The following CEP112 variants were observed in gnomAD, a reference collection of about 807,000 sequenced individuals.
The protein encoded by CEP112 is centrosomal protein of 112 kDa.
In CEP112, 127 loss-of-function variants were observed where a neutral mutation model predicts 153.0. The ratio of observed to expected loss-of-function variants is 0.83; its 90% CI spans 0.72 to 0.96. CEP112 has a LOEUF of 0.96. CEP112 is among the 40% of genes least tolerant of loss of function. The pLI is 0.00. For missense variants in CEP112, 1,089 were observed against 1,101.2 expected (o/e 0.99, Z 0.16); for synonymous variants, 358 against 374.4 (o/e 0.96, Z 0.51).
intron 22 of CEP112, among the ~76,000 whole-genome samples, chr17:65,745,235 A>G (rs1273909683): frequency 6.6e-6 from 1 of 152,252 alleles, no homozygotes; most frequent in Non-Finnish European, 1.5e-5. Flanking sequence ...GACAAAATAT[A>G]TAATAACAAC....
At chr17:65,824,907 T>C (rs1413117820) in intron 21 of CEP112, among the ~76,000 whole-genome samples, 2 of 152,206 alleles carry the variant, frequency 1.3e-5, no homozygotes, top group Admixed American at 6.5e-5. Context: ...GCAGATGCTA[T>C]GGAAAATATA....
At chr17:65,905,401 A>G (rs1236154396) in intron 19 of CEP112, among the ~76,000 whole-genome samples, 1 of 152,254 alleles carries the variant, frequency 6.6e-6, no homozygotes, top group African/African-American at 2.4e-5. Flanking sequence ...CCACAATGAG[A>G]TAACATCTCA....
intron 12 of CEP112, among the ~76,000 whole-genome samples, chr17:66,030,901 C>G (rs1182971126): frequency 6.6e-6 from 1 of 152,138 alleles, no homozygotes; most frequent in Non-Finnish European, 1.5e-5. Flanking sequence ...TTTAAAGATG[C>G]AGTTTAAGCA....
At chr17:66,054,776 A>G (rs1182699992) in intron 11 of CEP112, among the ~76,000 whole-genome samples, 1 of 152,112 alleles carries the variant, frequency 6.6e-6, no homozygotes. Flanking sequence ...TTTTGTTTTG[A>G]GATGGAGTCT....
intron 19 of CEP112, among the ~76,000 whole-genome samples, chr17:65,916,705 C>A (rs960359402): frequency 6.8e-6 from 1 of 146,886 alleles, no homozygotes; most frequent in Non-Finnish European, 1.5e-5. Flanking sequence ...AGCCACCATG[C>A]CAGTCTAATT....
intron 21 of CEP112, among the ~76,000 whole-genome samples, chr17:65,784,214 T>C (rs2054151138): frequency 6.6e-6 from 1 of 152,154 alleles, no homozygotes; most frequent in African/African-American, 2.4e-5. Context: ...AGGCGAGTAA[T>C]GTTAGGTCTA....
At chr17:65,677,026 C>T (rs1208260670) in intron 24 of CEP112, among the ~76,000 whole-genome samples, 1 of 152,136 alleles carries the variant, frequency 6.6e-6, no homozygotes, top group African/African-American at 2.4e-5. Flanking sequence ...ATGGCTGCTA[C>T]CTAACTGAGC....
At chr17:66,041,849 T>C (rs2065995504) in intron 12 of CEP112, among the ~76,000 whole-genome samples, 1 of 151,934 alleles carries the variant, frequency 6.6e-6, no homozygotes, top group South Asian at 2.1e-4. Flanking sequence ...TGCAGAAAAA[T>C]TCCAAAAATT....
intron 5 of CEP112, among the ~76,000 whole-genome samples, chr17:66,130,161 T>C (rs1598407713): frequency 1.3e-5 from 2 of 152,098 alleles, no homozygotes; most frequent in Middle Eastern, 3.4e-3. Context: ...GGTTCTCAGT[T>C]CTAAGTAATG....
intron 17 of CEP112, among the ~76,000 whole-genome samples, chr17:65,991,685 G>A (rs902879990): frequency 1.3e-5 from 2 of 151,968 alleles, no homozygotes; most frequent in Non-Finnish European, 2.9e-5. Flanking sequence ...AGAAATCTTT[G>A]TGTTTACTAT....
chr17:65,949,576 C>A (rs1651163963), intron 18 of CEP112, among the ~76,000 whole-genome samples: 1 of 152,112 alleles, frequency 6.6e-6, no homozygotes, highest in Non-Finnish European at 1.5e-5. Context: ...TTTAACCAGT[C>A]CACAGCAATG....
At chr17:66,110,690 C>T (rs1205599192) in intron 6 of CEP112, among the ~76,000 whole-genome samples, 3 of 147,574 alleles carry the variant, frequency 2.0e-5, no homozygotes, top group Non-Finnish European at 4.5e-5. Context: ...AAAAAAAAAG[C>T]ATAAATACAA....
intron 24 of CEP112, among the ~76,000 whole-genome samples, chr17:65,674,463 T>C (rs1207398863): frequency 6.6e-6 from 1 of 152,208 alleles, no homozygotes; most frequent in East Asian, 1.9e-4. Context: ...GCTGAGAAGC[T>C]GAACAAATCT....
chr17:65,934,554 T>G (rs1313790253), intron 18 of CEP112, among the ~76,000 whole-genome samples: 2 of 152,200 alleles, frequency 1.3e-5, no homozygotes, highest in Non-Finnish European at 2.9e-5. Context: ...ATAATTACTT[T>G]GAATATAAAT....
chr17:65,971,107 C>T (rs1213195879), intron 17 of CEP112, among the ~76,000 whole-genome samples: 2 of 152,276 alleles, frequency 1.3e-5, no homozygotes, highest in South Asian at 4.1e-4. Context: ...TGGTACATTG[C>T]ATGTTCCTTG....
chr17:66,013,951 C>T (rs2064653973), intron 16 of CEP112, among the ~76,000 whole-genome samples: 1 of 152,154 alleles, frequency 6.6e-6, no homozygotes, highest in Non-Finnish European at 1.5e-5. Flanking sequence ...TGGTGGCAAT[C>T]GTGGTGGGAG....
chr17:65,739,799 A>G (rs778654112), intron 23 of CEP112, among the ~76,000 whole-genome samples: 1 of 152,134 alleles, frequency 6.6e-6, no homozygotes, highest in Non-Finnish European at 1.5e-5. Context: ...CACTAAAGGA[A>G]TTCTGTTTTC....
At chr17:66,088,740 C>T (rs1405757741) in intron 8 of CEP112, among the ~76,000 whole-genome samples, 2 of 152,148 alleles carry the variant, frequency 1.3e-5, no homozygotes, top group Non-Finnish European at 2.9e-5. Flanking sequence ...AGGGTCCAGG[C>T]TCATCCCAAT....
intron 18 of CEP112, among the ~76,000 whole-genome samples, chr17:65,930,961 T>C (rs537230993): frequency 6.6e-6 from 1 of 152,384 alleles, no homozygotes; most frequent in African/African-American, 2.4e-5. Flanking sequence ...TCCTTCTCTC[T>C]ATGCTCTAGG....
Sources: allele counts gnomAD v4.1 joint callset (sites outside exome capture counted in the v4.1 genomes callset), GRCh38; gene constraint gnomAD v4.1.1; transcripts MANE v1.5; gene names NCBI Gene and HGNC (gene_info 2026-07-23, HGNC 2026-07-21).